Variants in UGT2B7 observed in about 807,000 individuals in gnomAD.
The protein encoded by UGT2B7 is UDP-glucuronosyltransferase 2B7.
UGT2B7 carries 51 observed loss-of-function variants against 51.9 expected under a neutral mutation model. The ratio of observed to expected loss-of-function variants is 0.98; its 90% CI spans 0.78 to 1.24. The LOEUF is 1.24. Among genes scored for constraint, UGT2B7 ranks in the 50% most tolerant of loss-of-function variants. The pLI is 0.00. For synonymous variants in UGT2B7, 225 were observed against 211.6 expected (o/e 1.06, Z -0.55); for missense variants, 727 against 628.4 (o/e 1.16, Z -1.68).
At chr4:69,091,538 TG>T (rs1474115208), upstream of UGT2B7, among the ~76,000 whole-genome samples, 3 of 152,186 alleles carry the variant, frequency 2.0e-5, no homozygotes, top group African/African-American at 7.2e-5. Flanking sequence ...AAATAAAGCG[TG>T]GCCATTCATA....
chr4:69,097,029 A>C lies in UGT2B7; in HGVS notation c.509A>C (p.Tyr170Ser). Reference sequence around the variant, plus strand: ...GAGCTATTTAACATACCCTTTGTGTACAGTCTCAGCTTCTCTCCTGGCTAC... The same window carrying C: ...GAGCTATTTAACATACCCTTTGTGTCCAGTCTCAGCTTCTCTCCTGGCTAC... ...LAELFNIPFV[Y>S]SLSFSPGYTF... The change falls in exon 1 of 6, where the codon TAC (tyrosine) becomes TCC (serine). Residue 170 changes from tyrosine to serine, a missense_variant. Tyr to Ser is a moderately radical substitution (Grantham distance 144). Transcript: ENST00000305231. 6.2e-7 allele frequency: 1 copy of C among 1,613,816 alleles called. No individual in the cohort carries two copies. Among genetic ancestry groups the C allele is most frequent in the Non-Finnish European group, 8.5e-7 (1 of 1,179,794 alleles).
At chr4:69,057,378 T>C (rs6833862) in intron 1 of UGT2B7, among the ~76,000 whole-genome samples, 27,189 of 152,118 alleles carry the variant, frequency 0.18, 2,594 homozygotes, top group East Asian at 0.4. Context: ...GCATTAATAA[T>C]AGAGGAAATG....
At chr4:69,084,614 T>C (rs981150588) in intron 1 of UGT2B7, among the ~76,000 whole-genome samples, 1 of 151,968 alleles carries the variant, frequency 6.6e-6, no homozygotes, top group Non-Finnish European at 1.5e-5. Context: ...CTCTCCCTCC[T>C]CTTTCCCCCC....
chr4:69,089,344 T>C (rs1719032690), intron 1 of UGT2B7: 1 of 152,220 alleles, frequency 6.6e-6, no homozygotes, highest in Non-Finnish European at 1.5e-5. Flanking sequence ...TGGCAGTACA[T>C]GGCAGAATAT....
At chr4:69,055,540 C>G (rs1036600601) in intron 1 of UGT2B7, among the ~76,000 whole-genome samples, 6 of 152,108 alleles carry the variant, frequency 3.9e-5, no homozygotes, top group African/African-American at 1.4e-4. Flanking sequence ...TATCCAGAAC[C>G]AGTATTTCAG....
chr4:69,071,677 A>G (rs1718604608), intron 1 of UGT2B7, among the ~76,000 whole-genome samples: 1 of 152,120 alleles, frequency 6.6e-6, no homozygotes, highest in African/African-American at 2.4e-5. Context: ...AATAATTGAT[A>G]ATAAAATGAA....
intron 1 of UGT2B7, chr4:69,066,620 T>G (rs1378442864): frequency 2.6e-5 from 4 of 152,156 alleles, no homozygotes; most frequent in Admixed American, 1.3e-4. Context: ...ATCTAACTTC[T>G]TTACATTTAT....
rs552576680 is a variant in UGT2B7 at position 69,059,510 on chromosome 4, T to C, written c.-159+7908T>C. ...GTACCATAGGCTGAAGAATAGAGGC[T>C]ATATGCAAAAAAGACTCTGGAACCA... On this transcript the variant is annotated intron_variant, in intron 1 of 5. Coordinates refer to the UGT2B7 transcript ENST00000502942. 4.6e-5 allele frequency among the ~76,000 whole-genome samples: 7 copies of C among 152,278 alleles called. No individual in the cohort carries two copies. The South Asian group carries it at 1.5e-3, about 32-fold the overall frequency.
chr4:69,053,140 C>A (rs185351086), intron 1 of UGT2B7, among the ~76,000 whole-genome samples: 4,997 of 151,970 alleles, frequency 0.033, 261 homozygotes, highest in African/African-American at 0.12. Context: ...TATGGTCAAA[C>A]ATGAAAAATT....
upstream of UGT2B7, among the ~76,000 whole-genome samples, chr4:69,092,825 C>T (rs1393110294): frequency 6.6e-6 from 1 of 151,394 alleles, no homozygotes; most frequent in African/African-American, 2.4e-5. Context: ...ACAGTGATAC[C>T]AATGAAAGAA....
intron 2 of UGT2B7, among the ~76,000 whole-genome samples, chr4:69,091,354 G>C (rs574576780): frequency 6.7e-6 from 1 of 150,036 alleles, no homozygotes; most frequent in South Asian, 2.1e-4. Flanking sequence ...AAGAAAGTGT[G>C]TGTATGTTTG....
At chr4:69,091,833 C>T (rs925497204), upstream of UGT2B7, among the ~76,000 whole-genome samples, 2 of 152,220 alleles carry the variant, frequency 1.3e-5, no homozygotes, top group Admixed American at 6.5e-5. Flanking sequence ...AGGCTTTTCT[C>T]ATTGACTACA....
intron 1 of UGT2B7, among the ~76,000 whole-genome samples, chr4:69,084,270 G>A (rs998100635): frequency 1.3e-5 from 2 of 150,720 alleles, no homozygotes; most frequent in Non-Finnish European, 3.0e-5. Context: ...GTTGGATTTG[G>A]TTGGCTAGAA....
chr4:69,103,319 C>T (rs1036958838), intron 3 of UGT2B7, among the ~76,000 whole-genome samples: 16 of 152,068 alleles, frequency 1.1e-4, no homozygotes, highest in African/African-American at 3.6e-4. Flanking sequence ...GCTTGTATAG[C>T]ATCCACCGAC....
At chr4:69,082,400 A>AAC (rs1395695938) in intron 1 of UGT2B7, among the ~76,000 whole-genome samples, 1 of 151,866 alleles carries the variant, frequency 6.6e-6, no homozygotes, top group Non-Finnish European at 1.5e-5. Flanking sequence ...GTGAATTAAA[A>AAC]AAAAAACAAA....
At position 69,112,668 on chromosome 4, in the gene UGT2B7, G is replaced by T; in HGVS notation, c.1522G>T (p.Val508Phe). ...CTGTGTGGCAACTGTGATATTTATC[G>T]TCACAAAATGTTGTCTGTTTTGTTT... ...LVCVATVIFIVTKCCLFCFWK... is the reference protein window; with the variant it reads ...LVCVATVIFIFTKCCLFCFWK... Residue 508 changes from valine (V) to phenylalanine (F), a missense_variant, in exon 6 of 6, where the codon GTC becomes TTC. By Grantham distance (50) the Val-to-Phe change is conservative. Coordinates refer to ENST00000305231, the MANE Select transcript of UGT2B7 (RefSeq NM_001074.4). 1 of 1,613,790 alleles carries T rather than the reference G, an allele frequency of 6.2e-7. No homozygotes were observed. The highest frequency in any genetic ancestry group is 2.2e-5 in the East Asian group (1 of 44,860).
At chr4:69,056,008 C>A (rs557675844) in intron 1 of UGT2B7, among the ~76,000 whole-genome samples, 1 of 152,144 alleles carries the variant, frequency 6.6e-6, no homozygotes, top group African/African-American at 2.4e-5. Flanking sequence ...TGGATGGTCC[C>A]CACCAGGTTA....
At position 69,075,161 on chromosome 4, in the gene UGT2B7, C is replaced by T. The variant is rs567531880; in HGVS notation, c.-158-14311C>T. Among the ~76,000 whole-genome samples, 23 of 152,184 alleles carry T rather than the reference C, an allele frequency of 1.5e-4. No homozygotes were observed. In the East Asian group the frequency reaches 3.9e-3, roughly 26 times the overall value. On this transcript the variant is annotated intron_variant, in intron 1 of 5. Coordinates refer to the UGT2B7 transcript ENST00000502942. Reference sequence around the variant, plus strand: ...TTGCTTAGAGGCTTCTGTTGACCAACTCAATAGCTTAAATTTGTGGAATTT... The same window carrying T: ...TTGCTTAGAGGCTTCTGTTGACCAATTCAATAGCTTAAATTTGTGGAATTT...
chr4:69,106,044 C>A (rs1162249201), intron 3 of UGT2B7, among the ~76,000 whole-genome samples: 5 of 151,940 alleles, frequency 3.3e-5, no homozygotes, highest in African/African-American at 1.2e-4. Context: ...TAAGGAATAG[C>A]TAAAATTTTT....
Sources: allele counts gnomAD v4.1 joint callset (sites outside exome capture counted in the v4.1 genomes callset), GRCh38; gene constraint gnomAD v4.1.1; transcripts MANE v1.5; gene names NCBI Gene and HGNC (gene_info 2026-07-23, HGNC 2026-07-21).